The following LMTK2 variants were observed in gnomAD, a reference collection of about 807,000 sequenced individuals.
LMTK2 encodes serine/threonine-protein kinase LMTK2.
LMTK2 carries 37 observed loss-of-function variants against 127.5 expected under a neutral mutation model. The ratio of observed to expected loss-of-function variants is 0.29; its 90% CI spans 0.22 to 0.38. LMTK2 has a LOEUF of 0.38. Ranked by LOEUF, LMTK2 falls within the 10% of genes least tolerant of loss-of-function variation. LMTK2 has a pLI of 1.00. For synonymous variants in LMTK2, 819 were observed against 810.1 expected (o/e 1.01, Z -0.19); for missense variants, 1,694 against 1,920.3 (o/e 0.88, Z 2.20).
At chr7:98,189,808 C>T (rs989274336) in intron 9 of LMTK2, among the ~76,000 whole-genome samples, 5 of 152,098 alleles carry the variant, frequency 3.3e-5, no homozygotes, top group Non-Finnish European at 7.4e-5. Context: ...GGTGAGGCAG[C>T]CCTCAGGGTC....
chr7:98,161,226 G>GATAA (rs1341051999), intron 6 of LMTK2, among the ~76,000 whole-genome samples: 1 of 151,946 alleles, frequency 6.6e-6, no homozygotes, highest in African/African-American at 2.4e-5. Flanking sequence ...CTGGACTTGA[G>GATAA]ATATTTGTTT....
intron 7 of LMTK2, among the ~76,000 whole-genome samples, chr7:98,177,914 TC>T (rs1797299495): frequency 6.6e-6 from 1 of 152,236 alleles, no homozygotes; most frequent in Admixed American, 6.5e-5. Flanking sequence ...CTGGTACGTC[TC>T]CATCCCATCT....
chr7:98,176,456 A>G (rs1797278264), intron 7 of LMTK2, among the ~76,000 whole-genome samples: 1 of 152,166 alleles, frequency 6.6e-6, no homozygotes, highest in Non-Finnish European at 1.5e-5. Flanking sequence ...GTTACCTTCC[A>G]ACATTTCTTT....
At chr7:98,169,933 G>A (rs1797159768) in intron 6 of LMTK2, among the ~76,000 whole-genome samples, 1 of 152,212 alleles carries the variant, frequency 6.6e-6, no homozygotes, top group African/African-American at 2.4e-5. Context: ...GGCACCGAGG[G>A]AAGACCACTG....
chr7:98,152,280 CAG>C (rs1796870331), intron 4 of LMTK2, among the ~76,000 whole-genome samples: 1 of 152,170 alleles, frequency 6.6e-6, no homozygotes, highest in Admixed American at 6.5e-5. Flanking sequence ...GCCATTTCCA[CAG>C]TACTGCAGTC....
At chr7:98,168,822 T>C (rs1310759063) in intron 6 of LMTK2, among the ~76,000 whole-genome samples, 1 of 152,138 alleles carries the variant, frequency 6.6e-6, no homozygotes, top group Admixed American at 6.5e-5. Flanking sequence ...AAGTTTTCCT[T>C]CGGGAGTTTT....
At chr7:98,163,064 G>C (rs1797039021) in intron 6 of LMTK2, among the ~76,000 whole-genome samples, 1 of 152,144 alleles carries the variant, frequency 6.6e-6, no homozygotes, top group Non-Finnish European at 1.5e-5. Flanking sequence ...CTTACAGGAG[G>C]GACCTAGAGT....
At position 98,137,348 on chromosome 7, in the gene LMTK2, C is replaced by T; in HGVS notation, c.137C>T (p.Ser46Phe). The change falls in exon 2 of 14, where the codon TCT (serine) becomes TTT (phenylalanine). Residue 46 changes from serine to phenylalanine, a missense_variant. This residue lies in a region of LMTK2 where 76 missense variants were observed against 82.0 expected (regional missense o/e 0.93). Coordinates refer to ENST00000297293, the MANE Select transcript of LMTK2 (RefSeq NM_014916.4). ...EAPPAAEVSS[S>F]FVILCVCSLI... ...CCACCTGCTGCAGAAGTTTCCTCAT[C>T]TTTTGTGATCCTGTGTGTGTGCAGT... 1.2e-6 allele frequency: 2 copies of T among 1,613,318 alleles called. No homozygotes were observed. The highest frequency in any genetic ancestry group is 1.7e-6 in the Non-Finnish European group (2 of 1,179,776).
intron 1 of LMTK2, among the ~76,000 whole-genome samples, chr7:98,107,576 A>AT (rs903598833): frequency 7.9e-5 from 12 of 152,220 alleles, no homozygotes; most frequent in African/African-American, 2.6e-4. Flanking sequence ...TCCTCAGCTT[A>AT]TATCGCTTCC....
chr7:98,199,686 G>A (rs1331798059), intron 11 of LMTK2, among the ~76,000 whole-genome samples: 1 of 152,114 alleles, frequency 6.6e-6, no homozygotes, highest in Non-Finnish European at 1.5e-5. Flanking sequence ...GTAGAGATGG[G>A]GTTTCACCAT....
Position 98,193,281 on chromosome 7 carries a change from G to A in LMTK2, c.2816G>A (p.Arg939Gln), listed in dbSNP as rs377029898. ...PFSEDHHSHRRLEKNLEAVET... is the reference protein window; with the variant it reads ...PFSEDHHSHRQLEKNLEAVET... ...TCGGAAGACCATCACAGTCATCGCC[G>A]GCTAGAGAAAAACTTAGAGGCTGTG... The change falls in exon 11 of 14, where the codon CGG becomes CAG. Residue 939 changes from arginine (R) to glutamine (Q), a missense_variant. Physicochemically the swap from Arg to Gln is conservative, Grantham distance 43. This residue lies in a region of LMTK2 where 527 missense variants were observed against 539.8 expected (regional missense o/e 0.98). Transcript: ENST00000297293. The surrounding 1 kb of genome is among the most constrained non-coding windows in gnomAD (Gnocchi z 4.1). 56 of 1,613,742 alleles carry A rather than the reference G, an allele frequency of 3.5e-5. 1 individual carries two copies. Among genetic ancestry groups the A allele is most frequent in the African/African-American group, 2.8e-4 (21 of 75,034 alleles).
Position 98,191,903 on chromosome 7 carries a change from G to T in LMTK2, c.1438G>T (p.Ala480Ser). ...CCTGAGCTTCGAGTATGTCTGGGAG[G>T]CCGCTAAGCACGACCACTTTGACGA... Reference protein sequence around the residue: ...QGLSFEYVWEAAKHDHFDERS... With the variant: ...QGLSFEYVWESAKHDHFDERS... The change falls in exon 11 of 14, where the codon GCC becomes TCC. Residue 480 changes from alanine (A) to serine (S), a missense_variant. Ala to Ser is a moderately conservative substitution (Grantham distance 99). Around this residue, in one of 8 missense-constraint regions of LMTK2, gnomAD observed 216 missense variants for 266.8 expected, o/e 0.81. Coordinates refer to ENST00000297293, the MANE Select transcript of LMTK2 (RefSeq NM_014916.4). The T allele has an allele frequency of 6.2e-7, 1 of 1,614,196 alleles. No homozygotes were observed. The highest frequency in any genetic ancestry group is 8.5e-7 in the Non-Finnish European group (1 of 1,180,038).
rs373907555 is a variant in LMTK2, at chr7:98,193,277, C to T, written c.2812C>T (p.Arg938Cys). Residue 938 changes from arginine (R) to cysteine (C), a missense_variant, in exon 11 of 14, where the codon CGC (arginine) becomes TGC (cysteine). By Grantham distance (180) the Arg-to-Cys change is radical. This residue lies in a region of LMTK2 where 527 missense variants were observed against 539.8 expected (regional missense o/e 0.98). Transcript: ENST00000297293. This position sits in a 1 kb window ranked among gnomAD's most constrained non-coding sequence, Gnocchi z 4.1. The part of the protein sequence containing the change: ...KPFSEDHHSH[R>C]RLEKNLEAVE... ...ATTTTCGGAAGACCATCACAGTCAT[C>T]GCCGGCTAGAGAAAAACTTAGAGGC... 86 of 1,613,612 alleles carry T rather than the reference C, an allele frequency of 5.3e-5. No homozygotes were observed. The highest frequency in any genetic ancestry group is 8.3e-5 in the Admixed American group (5 of 60,006).
intron 11 of LMTK2, among the ~76,000 whole-genome samples, chr7:98,196,332 G>A (rs1296381243): frequency 6.6e-6 from 1 of 152,190 alleles, no homozygotes; most frequent in African/African-American, 2.4e-5. Flanking sequence ...CTGAGCTCAG[G>A]GAGCCTGAGA....
intron 11 of LMTK2, among the ~76,000 whole-genome samples, chr7:98,197,840 T>TGA (rs1797650642): frequency 6.6e-6 from 1 of 152,228 alleles, no homozygotes; most frequent in Admixed American, 6.5e-5. Context: ...AGACCCTGTC[T>TGA]GAGAGGCTCC....
chr7:98,171,459 T>C lies in LMTK2; in HGVS notation c.658-82T>C. 3 of 1,543,866 alleles carry C rather than the reference T, an allele frequency of 1.9e-6. No individual in the cohort carries two copies. Among genetic ancestry groups the C allele is most frequent in the Non-Finnish European group, 2.7e-6 (3 of 1,116,652 alleles). On this transcript the variant is annotated intron_variant, in intron 6 of 13. Coordinates refer to ENST00000297293, the MANE Select transcript of LMTK2 (RefSeq NM_014916.4). This position sits in a 1 kb window ranked among gnomAD's most constrained non-coding sequence, Gnocchi z 5.1. ...GTTTCTAATAAATAATCTTAACAGT[T>C]AGTGTTCACCGAGGCACGTATTTAA...
intron 11 of LMTK2, 143 bp from the exon 12 acceptor site, chr7:98,203,431 C>G: frequency 9.3e-7 from 1 of 1,073,526 alleles, no homozygotes; most frequent in Non-Finnish European, 1.3e-6. Context: ...TCTGTCCGTC[C>G]TCCCAGGCCT....
At chr7:98,146,607 A>G (rs1009188320) in intron 3 of LMTK2, among the ~76,000 whole-genome samples, 1 of 152,140 alleles carries the variant, frequency 6.6e-6, no homozygotes, top group African/African-American at 2.4e-5. Context: ...TTTTGAATTG[A>G]TACCAGCTTA....
At chr7:98,199,564 G>A (rs1348132800) in intron 11 of LMTK2, among the ~76,000 whole-genome samples, 1 of 152,092 alleles carries the variant, frequency 6.6e-6, no homozygotes, top group East Asian at 1.9e-4. Context: ...GTATGATTTT[G>A]GCTCACTGCA....
Sources: allele counts gnomAD v4.1 joint callset (sites outside exome capture counted in the v4.1 genomes callset), GRCh38; gene constraint gnomAD v4.1.1; regional missense constraint gnomAD v4.1.1; non-coding constraint Gnocchi (gnomAD v3.1); transcripts MANE v1.5; gene names NCBI Gene and HGNC (gene_info 2026-07-23, HGNC 2026-07-21).